Variants in TAOK3 observed in about 807,000 individuals in gnomAD.
TAOK3 encodes TAO kinase 3, also known as serine/threonine-protein kinase TAO3.
A neutral mutation model predicts 120.4 loss-of-function variants in TAOK3; 40 were observed. The ratio of observed to expected loss-of-function variants is 0.33; its 90% CI spans 0.26 to 0.43. The LOEUF (loss-of-function observed/expected upper bound fraction) is 0.43, where lower values mean the gene tolerates loss of function less well. Ranked by LOEUF, TAOK3 falls within the 20% of genes least tolerant of loss-of-function variation. The pLI, the probability that TAOK3 is intolerant of heterozygous loss-of-function variation, is 1.00. For missense variants in TAOK3, 821 were observed against 1,112.1 expected, an observed-to-expected ratio of 0.74 and a Z score of 3.72; for synonymous variants, 355 against 387.5, an observed-to-expected ratio of 0.92 and a Z score of 0.99.
chr12:118,307,964 C>CTT (rs150636589), intron 1 of TAOK3, among the ~76,000 whole-genome samples: 25 of 142,804 alleles, frequency 1.8e-4, no homozygotes, highest in South Asian at 6.7e-4. Flanking sequence ...AGTTTGACTA[C>CTT]TTTTTTTTTT....
At chr12:118,342,817 C>T (rs1471775597) in intron 1 of TAOK3, among the ~76,000 whole-genome samples, 1 of 151,650 alleles carries the variant, frequency 6.6e-6, no homozygotes, top group Non-Finnish European at 1.5e-5. Context: ...GCCTGTAGTC[C>T]CAGGTACTGG....
At chr12:118,249,135 T>C (rs1433201871) in intron 3 of TAOK3, among the ~76,000 whole-genome samples, 1 of 152,216 alleles carries the variant, frequency 6.6e-6, no homozygotes, top group Non-Finnish European at 1.5e-5. Flanking sequence ...GTCTCAATGG[T>C]CTCAGTAACT....
intron 1 of TAOK3, among the ~76,000 whole-genome samples, chr12:118,297,362 G>A (rs75837875): frequency 0.014 from 2,192 of 152,188 alleles, 48 homozygotes; most frequent in African/African-American, 0.049. Context: ...TTAATTTCAC[G>A]TCTGCTTTCT....
chr12:118,338,023 C>CTAG (rs1168757823), intron 1 of TAOK3, among the ~76,000 whole-genome samples: 1 of 152,168 alleles, frequency 6.6e-6, no homozygotes, highest in Non-Finnish European at 1.5e-5. Context: ...CCCGACCTCT[C>CTAG]AGTATTATTT....
At chr12:118,265,372 G>C (rs976589570) in intron 2 of TAOK3, among the ~76,000 whole-genome samples, 1 of 134,486 alleles carries the variant, frequency 7.4e-6, no homozygotes, top group Non-Finnish European at 1.5e-5. Context: ...CTGGGTGACA[G>C]AGTGAAACAC....
chr12:118,260,828 G>A (rs952988587), intron 2 of TAOK3, among the ~76,000 whole-genome samples: 2 of 152,084 alleles, frequency 1.3e-5, no homozygotes, highest in Admixed American at 6.6e-5. Context: ...TTACAGGCAT[G>A]CGCCACCACA....
intron 5 of TAOK3, among the ~76,000 whole-genome samples, chr12:118,242,900 AGT>A (rs750085407): frequency 2.7e-5 from 4 of 150,936 alleles, no homozygotes; most frequent in South Asian, 2.1e-4. Context: ...TATATATATG[AGT>A]GTGTGTGTGT....
intron 3 of TAOK3, among the ~76,000 whole-genome samples, chr12:118,253,611 T>A (rs927164317): frequency 6.6e-6 from 1 of 151,368 alleles, no homozygotes; most frequent in Non-Finnish European, 1.5e-5. Context: ...ATGGCAGGTG[T>A]CTGTAATCCC....
chr12:118,258,697 G>A (rs191054297), intron 2 of TAOK3, among the ~76,000 whole-genome samples: 1 of 149,070 alleles, frequency 6.7e-6, no homozygotes, highest in Non-Finnish European at 1.5e-5. Flanking sequence ...GGTGATGACA[G>A]AGCAAGACTC....
chr12:118,246,220 G>A lies in TAOK3; in HGVS notation c.121-1255C>T, dbSNP rs1011244140. On this transcript the variant is annotated intron_variant, in intron 3 of 20. Coordinates refer to ENST00000392533, the MANE Select transcript of TAOK3 (RefSeq NM_016281.4). The stretch of plus-strand genomic sequence containing the variant: ...CGCGGCCGTGGACGGGGCCGGGGCC[G>A]AGGCCGCGGAGCTCGCGGAGGCAAG... The A allele has an allele frequency of 6.2e-6, 9 of 1,455,808 alleles. No homozygotes were observed. The African/African-American group carries it at 8.3e-5, about 13-fold the overall frequency. 90.2% of individuals were successfully genotyped at this position (1,455,808 alleles called of 1,614,324 possible).
At chr12:118,270,559 C>T (rs1449242392) in intron 1 of TAOK3, among the ~76,000 whole-genome samples, 1 of 151,888 alleles carries the variant, frequency 6.6e-6, no homozygotes, top group African/African-American at 2.4e-5. Context: ...CATTCAGTTA[C>T]ATTTGTATAT....
chr12:118,321,183 A>G (rs1022146845), intron 1 of TAOK3, among the ~76,000 whole-genome samples: 9 of 152,154 alleles, frequency 5.9e-5, no homozygotes, highest in African/African-American at 2.2e-4. Flanking sequence ...CTATTTTCTA[A>G]GTTGTATATT....
At chr12:118,355,614 A>G (rs1317595666) in intron 1 of TAOK3, among the ~76,000 whole-genome samples, 1 of 152,196 alleles carries the variant, frequency 6.6e-6, no homozygotes, top group African/African-American at 2.4e-5. Flanking sequence ...GTACTTTCTA[A>G]ATACTTCTAT....
At chr12:118,153,080 C>A (rs1413912208) in intron 19 of TAOK3, among the ~76,000 whole-genome samples, 1 of 152,178 alleles carries the variant, frequency 6.6e-6, no homozygotes, top group Non-Finnish European at 1.5e-5. Flanking sequence ...ATAAAAGTTA[C>A]ATTGCTAGCC....
At chr12:118,321,286 G>C (rs1844290023) in intron 1 of TAOK3, among the ~76,000 whole-genome samples, 1 of 151,738 alleles carries the variant, frequency 6.6e-6, no homozygotes, top group Admixed American at 6.6e-5. Context: ...TTTCAGACAG[G>C]GTCTCACTCT....
chr12:118,307,964 C>CT (rs150636589), intron 1 of TAOK3, among the ~76,000 whole-genome samples: 11,337 of 142,710 alleles, frequency 0.079, 856 homozygotes, highest in East Asian at 0.25. Flanking sequence ...AGTTTGACTA[C>CT]TTTTTTTTTT....
intron 1 of TAOK3, among the ~76,000 whole-genome samples, chr12:118,333,933 C>T (rs769998729): frequency 4.4e-4 from 66 of 151,320 alleles, no homozygotes; most frequent in Non-Finnish European, 7.4e-4. Context: ...GTCAGGAGTT[C>T]GAGACCAGCC....
At chr12:118,232,988 A>T (rs2039849431) in intron 9 of TAOK3, among the ~76,000 whole-genome samples, 1 of 152,050 alleles carries the variant, frequency 6.6e-6, no homozygotes, top group Admixed American at 6.6e-5. Flanking sequence ...AATAGCAAAG[A>T]CTTGGAACCA....
intron 19 of TAOK3, among the ~76,000 whole-genome samples, chr12:118,155,007 T>A (rs7298852): frequency 0.16 from 18,007 of 114,974 alleles, 1,172 homozygotes; most frequent in African/African-American, 0.2. Flanking sequence ...ATATATATAT[T>A]TTTTTTTGAG....
Sources: allele counts gnomAD v4.1 joint callset (sites outside exome capture counted in the v4.1 genomes callset), GRCh38; gene constraint gnomAD v4.1.1; transcripts MANE v1.5; gene names NCBI Gene and HGNC (gene_info 2026-07-23, HGNC 2026-07-21).